Variants in FHIP1A observed in about 807,000 individuals in gnomAD.
FHIP1A encodes the protein FHF complex subunit HOOK-interacting protein 1A.
FHIP1A carries 61 observed loss-of-function variants against 88.6 expected under a neutral mutation model. That is an observed-to-expected ratio of 0.69 (90% CI 0.56 to 0.85). The LOEUF is 0.85. Among genes scored for constraint, FHIP1A ranks in the 40% least tolerant of loss-of-function variants. FHIP1A has a pLI of 0.00. For synonymous variants in FHIP1A, 478 were observed against 496.0 expected (o/e 0.96, Z 0.48); for missense variants, 1,154 against 1,273.5 (o/e 0.91, Z 1.43).
intron 1 of FHIP1A, among the ~76,000 whole-genome samples, chr4:151,451,765 T>C (rs1251427749): frequency 2.0e-5 from 3 of 152,092 alleles, no homozygotes; most frequent in Admixed American, 6.5e-5. Context: ...AATAAAGTGC[T>C]TTTTTTCAGT....
intron 4 of FHIP1A, 124 bp from the exon 5 acceptor site, chr4:151,577,326 C>T: frequency 1.3e-6 from 1 of 791,018 alleles, no homozygotes; most frequent in South Asian, 1.9e-5. Context: ...CACACAATGC[C>T]CACACATATC....
intron 1 of FHIP1A, among the ~76,000 whole-genome samples, chr4:151,453,899 A>G (rs1279709795): frequency 2.0e-5 from 3 of 152,102 alleles, no homozygotes; most frequent in Admixed American, 2.0e-4. Context: ...AAAACAAAAC[A>G]AAACAAAAAC....
chr4:151,451,324 A>G (rs1228756830), intron 1 of FHIP1A, among the ~76,000 whole-genome samples: 2 of 152,082 alleles, frequency 1.3e-5, no homozygotes, highest in Non-Finnish European at 2.9e-5. Context: ...AGTCAAATGC[A>G]TTAGCCTTTT....
intron 5 of FHIP1A, among the ~76,000 whole-genome samples, chr4:151,582,621 A>T (rs1412433949): frequency 6.6e-6 from 1 of 152,204 alleles, no homozygotes; most frequent in Non-Finnish European, 1.5e-5. Context: ...GTCTGTTGTT[A>T]TCCTTGTGGT....
chr4:151,550,237 A>G (rs932134292), intron 3 of FHIP1A, among the ~76,000 whole-genome samples: 3 of 152,194 alleles, frequency 2.0e-5, no homozygotes, highest in African/African-American at 7.2e-5. Context: ...TCATGTTACA[A>G]ACTATCCAAT....
intron 2 of FHIP1A, among the ~76,000 whole-genome samples, chr4:151,473,431 A>G (rs1259062174): frequency 1.3e-5 from 2 of 151,958 alleles, no homozygotes; most frequent in East Asian, 1.9e-4. Context: ...TTAACTTTAT[A>G]AAGTATAGTA....
At chr4:151,457,853 A>T (rs1729019206) in intron 2 of FHIP1A, among the ~76,000 whole-genome samples, 1 of 152,190 alleles carries the variant, frequency 6.6e-6, no homozygotes, top group Admixed American at 6.6e-5. Flanking sequence ...GACAGACTGG[A>T]AAATACTTCT....
intron 1 of FHIP1A, among the ~76,000 whole-genome samples, chr4:151,420,889 C>A (rs1378907280): frequency 6.6e-6 from 1 of 152,260 alleles, no homozygotes; most frequent in Non-Finnish European, 1.5e-5. Flanking sequence ...CCCCACAGGA[C>A]CCAGAGCTCT....
chr4:151,592,111 C>T (rs1734456348), intron 7 of FHIP1A, among the ~76,000 whole-genome samples: 1 of 152,168 alleles, frequency 6.6e-6, no homozygotes, highest in African/African-American at 2.4e-5. Flanking sequence ...TATTTCTCCA[C>T]ATCCTCTCCA....
At chr4:151,481,877 A>G (rs902225951) in intron 2 of FHIP1A, among the ~76,000 whole-genome samples, 17 of 152,064 alleles carry the variant, frequency 1.1e-4, no homozygotes, top group African/African-American at 4.1e-4. Context: ...TCTCCCAGGT[A>G]GGATAATTTC....
chr4:151,499,539 C>A (rs1457283663), intron 3 of FHIP1A, among the ~76,000 whole-genome samples: 1 of 152,210 alleles, frequency 6.6e-6, no homozygotes, highest in African/African-American at 2.4e-5. Flanking sequence ...AGCATAGTTA[C>A]ACACTGGCTA....
chr4:151,644,286 C>G (rs1736703499), intron 9 of FHIP1A, among the ~76,000 whole-genome samples: 1 of 152,072 alleles, frequency 6.6e-6, no homozygotes, highest in Non-Finnish European at 1.5e-5. Context: ...CCCAAACCCC[C>G]CACCCAACAC....
rs938562700 is a variant in FHIP1A at position 151,649,631 on chromosome 4, C to T, written c.1590C>T (p.Pro530=). The change falls in exon 11 of 14, where the codon CCC becomes CCT. Residue 530 remains proline, a synonymous_variant. Transcript: ENST00000435205. ...VWSALYDGDS[P]DPEMFLQSLT... is the part of the protein sequence containing the mutation. Reference sequence around the variant, plus strand: ...CCGCCCTGTATGATGGCGACTCCCCCGACCCTGAGATGTTTCTCCAGAGTC... The same window carrying T: ...CCGCCCTGTATGATGGCGACTCCCCTGACCCTGAGATGTTTCTCCAGAGTC... 2.5e-5 allele frequency: 39 copies of T among 1,551,576 alleles called. No homozygotes were observed. In the Middle Eastern group the frequency reaches 5.0e-4, roughly 20 times the overall value.
intron 3 of FHIP1A, among the ~76,000 whole-genome samples, chr4:151,561,298 A>C (rs556058811): frequency 6.6e-6 from 1 of 152,292 alleles, no homozygotes; most frequent in East Asian, 1.9e-4. Flanking sequence ...CTGGAGTTAA[A>C]CTATGGCAAA....
intron 3 of FHIP1A, among the ~76,000 whole-genome samples, chr4:151,510,096 C>A (rs776703711): frequency 3.3e-5 from 5 of 152,006 alleles, no homozygotes; most frequent in Non-Finnish European, 5.9e-5. Context: ...TGGGACCCTC[C>A]CTGCCAGCAT....
At chr4:151,466,622 C>G (rs967554635) in intron 2 of FHIP1A, among the ~76,000 whole-genome samples, 1 of 152,036 alleles carries the variant, frequency 6.6e-6, no homozygotes, top group Non-Finnish European at 1.5e-5. Context: ...TGTACTGGTA[C>G]CAAAACAGAC....
Position 151,577,982 on chromosome 4 carries a change from A to G in FHIP1A, c.638A>G (p.Gln213Arg), listed in dbSNP as rs1270045025. 2.3e-5 allele frequency: 36 copies of G among 1,551,072 alleles called. No individual in the cohort carries two copies. Among genetic ancestry groups the G allele is most frequent in the Non-Finnish European group, 3.0e-5 (34 of 1,146,934 alleles). Residue 213 changes from glutamine (Q) to arginine (R), a missense_variant, in exon 5 of 14, where the codon CAG (glutamine) becomes CGG (arginine). Transcript: ENST00000435205. The stretch of plus-strand genomic sequence containing the variant: ...ATTCACCGAGAGGGGTCAGTAGGCC[A>G]GCAAGCTCGGGATGCATTGCTCTTC... ...PFIHREGSVG[Q>R]QARDALLFIM...
In FHIP1A at chr4:151,507,320, C is replaced by T. The variant is rs185137750; in HGVS notation, c.-123+24672C>T. 3.2e-3 allele frequency among the ~76,000 whole-genome samples: 480 copies of T among 152,172 alleles called. 2 individuals are homozygous for T. Among genetic ancestry groups the T allele is most frequent in the African/African-American group, 0.011 (457 of 41,518 alleles). ...TAAATTTTTTGTAGTGATGGGGTCT[C>T]GCTATATTGCCCAGGCTAGTCTCCA... On this transcript the variant is annotated intron_variant, in intron 3 of 13. Transcript: ENST00000435205.
chr4:151,632,651 A>G (rs570655591), intron 8 of FHIP1A, among the ~76,000 whole-genome samples: 6 of 152,212 alleles, frequency 3.9e-5, no homozygotes, highest in African/African-American at 4.8e-5. Context: ...TCTAACTGCA[A>G]TGGAATGAAA....
Sources: allele counts gnomAD v4.1 joint callset (sites outside exome capture counted in the v4.1 genomes callset), GRCh38; gene constraint gnomAD v4.1.1; transcripts MANE v1.5; gene names NCBI Gene and HGNC (gene_info 2026-07-23, HGNC 2026-07-21).